The following NEK7 variants were observed in gnomAD, a reference collection of about 807,000 sequenced individuals.
NEK7 encodes serine/threonine-protein kinase Nek7.
A neutral mutation model predicts 44.6 loss-of-function variants in NEK7; 18 were observed. That is an observed-to-expected ratio of 0.40 (90% CI 0.28 to 0.60). The LOEUF is 0.60. NEK7 is among the 20% of genes least tolerant of loss of function. The probability of loss-of-function intolerance (pLI) is 0.38; values close to 1 mark genes in which losing one functional copy is unlikely to be tolerated. For synonymous variants in NEK7, 130 were observed against 121.1 expected (o/e 1.07, Z -0.48); for missense variants, 256 against 366.5 (o/e 0.70, Z 2.46).
intron 1 of NEK7, among the ~76,000 whole-genome samples, chr1:198,175,997 C>T (rs1051405910): frequency 3.3e-5 from 5 of 152,130 alleles, no homozygotes; most frequent in African/African-American, 9.7e-5. Context: ...TATGAACCTT[C>T]CTTTAGAGGG....
intron 9 of NEK7, among the ~76,000 whole-genome samples, chr1:198,313,497 T>G (rs371956044): frequency 4.4e-5 from 6 of 136,764 alleles, no homozygotes; most frequent in African/African-American, 9.0e-5. Flanking sequence ...GTTAGCTGGT[T>G]ATTTTGCTCG....
intron 1 of NEK7, among the ~76,000 whole-genome samples, chr1:198,164,259 G>A (rs1201728453): frequency 6.6e-6 from 1 of 152,190 alleles, no homozygotes; most frequent in Non-Finnish European, 1.5e-5. Context: ...GAATGTCCCA[G>A]TACCAGGCCC....
chr1:198,277,163 A>G (rs1383941968), intron 5 of NEK7, among the ~76,000 whole-genome samples: 6 of 151,868 alleles, frequency 4.0e-5, no homozygotes, highest in African/African-American at 1.4e-4. Context: ...AATAATTTTT[A>G]TGTGTTGAAT....
In NEK7 at chr1:198,230,172, C is replaced by A. The variant is rs547163800; in HGVS notation, c.-28-2381C>A. On this transcript the variant is annotated intron_variant, in intron 1 of 9. Transcript: ENST00000367385. Reference sequence around the variant, plus strand: ...CTTTGACCAGGAAACTTTTTCTTTTCTTTACGGAATATCTTGTGAAACTGT... The same window carrying A: ...CTTTGACCAGGAAACTTTTTCTTTTATTTACGGAATATCTTGTGAAACTGT... Among the ~76,000 whole-genome samples the A allele has an allele frequency of 1.6e-3, 247 of 152,168 alleles. 1 individual carries two copies. The highest frequency in any genetic ancestry group is 5.7e-3 in the African/African-American group (239 of 41,566).
At chr1:198,262,416 A>G (rs545115511) in intron 3 of NEK7, among the ~76,000 whole-genome samples, 159 bp from the exon 4 acceptor site, 26 of 152,036 alleles carry the variant, frequency 1.7e-4, no homozygotes, top group African/African-American at 6.3e-4. Flanking sequence ...AATGTTGGTA[A>G]CATAAGATAC....
chr1:198,157,304 C>G (rs1004669934), intron 1 of NEK7, 28 bp downstream of exon 1: 2 of 152,158 alleles, frequency 1.3e-5, no homozygotes, highest in Non-Finnish European at 2.9e-5. Flanking sequence ...GTTCAGGCGC[C>G]CGGACCGGGC....
At chr1:198,174,734 G>T (rs1472880929) in intron 1 of NEK7, among the ~76,000 whole-genome samples, 1 of 151,690 alleles carries the variant, frequency 6.6e-6, no homozygotes, top group Non-Finnish European at 1.5e-5. Context: ...GGAAAGCATT[G>T]TGTTTTTTTT....
intron 1 of NEK7, among the ~76,000 whole-genome samples, chr1:198,158,050 C>T (rs1558034805): frequency 6.6e-6 from 1 of 152,146 alleles, no homozygotes; most frequent in African/African-American, 2.4e-5. Flanking sequence ...AGCTAAAGAA[C>T]TTCTGTTGCC....
At chr1:198,218,074 C>G (rs561414419) in intron 1 of NEK7, among the ~76,000 whole-genome samples, 159 of 151,894 alleles carry the variant, frequency 1.0e-3, no homozygotes, top group African/African-American at 3.5e-3. Context: ...AAAAACAATC[C>G]TCAAATTTAT....
At chr1:198,160,310 T>C (rs1250150696) in intron 1 of NEK7, among the ~76,000 whole-genome samples, 1 of 148,454 alleles carries the variant, frequency 6.7e-6, no homozygotes, top group Non-Finnish European at 1.5e-5. Context: ...TTTGTTTCCC[T>C]TGATTTTTTT....
chr1:198,197,907 T>C (rs771877970), intron 1 of NEK7: 179 of 1,289,790 alleles, frequency 1.4e-4, no homozygotes, highest in Non-Finnish European at 1.8e-4. Context: ...AGTCCGAACA[T>C]GCCAGGAGCC....
At chr1:198,221,574 A>C (rs1666079507) in intron 1 of NEK7, among the ~76,000 whole-genome samples, 1 of 151,672 alleles carries the variant, frequency 6.6e-6, no homozygotes, top group East Asian at 1.9e-4. Flanking sequence ...AAACTATATA[A>C]TTGGCCAAGA....
intron 1 of NEK7, among the ~76,000 whole-genome samples, chr1:198,204,616 G>A (rs896722143): frequency 3.3e-5 from 5 of 151,728 alleles, no homozygotes; most frequent in African/African-American, 1.2e-4. Context: ...CTACTCGGGA[G>A]GCTGAGGCAG....
intron 1 of NEK7, among the ~76,000 whole-genome samples, chr1:198,184,713 G>GAT (rs1236501486): frequency 1.9e-4 from 29 of 152,130 alleles, no homozygotes; most frequent in Non-Finnish European, 3.8e-4. Context: ...GTGTTGCCCA[G>GAT]GCTGGAGTGC....
chr1:198,192,357 T>G lies in NEK7; in HGVS notation c.-29+35081T>G, dbSNP rs573767771. 2.0e-5 allele frequency among the ~76,000 whole-genome samples: 3 copies of G among 152,006 alleles called. No homozygotes were observed. The South Asian group carries it at 6.2e-4, about 32-fold the overall frequency. ...TTTTTTTTTTTAAAGAACCAGCTTT[T>G]GGTTTTGTTGAATCTGTCTTTGTTT... On this transcript the variant is annotated intron_variant, in intron 1 of 9. Coordinates refer to ENST00000367385, the MANE Select transcript of NEK7 (RefSeq NM_133494.3).
In NEK7 at chr1:198,298,339, A is replaced by G. The variant is rs927985604; in HGVS notation, c.798+1099A>G. 3.3e-5 allele frequency among the ~76,000 whole-genome samples: 5 copies of G among 152,308 alleles called. No individual in the cohort carries two copies. In the East Asian group the frequency reaches 5.8e-4, roughly 18 times the overall value. On this transcript the variant is annotated intron_variant, in intron 9 of 9. Coordinates refer to ENST00000367385, the MANE Select transcript of NEK7 (RefSeq NM_133494.3). ...ACTTGAATAATAAATATCTCTAAAG[A>G]ATTTTCACCACATGTAAAGCATTTG...
chr1:198,301,542 T>A (rs1315996069), intron 9 of NEK7, among the ~76,000 whole-genome samples: 1 of 152,210 alleles, frequency 6.6e-6, no homozygotes, highest in Admixed American at 6.5e-5. Context: ...AGAGCAAGAC[T>A]CCGTCTCAAA....
chr1:198,239,638 A>G (rs1666630759), intron 2 of NEK7, among the ~76,000 whole-genome samples: 1 of 152,070 alleles, frequency 6.6e-6, no homozygotes, highest in African/African-American at 2.4e-5. Flanking sequence ...TTACTTTTGT[A>G]TATCATATTT....
chr1:198,242,234 T>A (rs983522366), intron 2 of NEK7, among the ~76,000 whole-genome samples: 3 of 152,046 alleles, frequency 2.0e-5, no homozygotes, highest in African/African-American at 7.3e-5. Flanking sequence ...GCTCTACTCA[T>A]CCTCCTTCCC....
Sources: gnomAD v4.1 joint callset for allele counts (sites outside exome capture counted in the v4.1 genomes callset) on GRCh38, gnomAD v4.1.1 for gene constraint, MANE v1.5 for transcripts, NCBI Gene and HGNC (gene_info 2026-07-23, HGNC 2026-07-21) for gene names.